GNG12: variants seen among roughly 807,000 people sequenced by gnomAD.
GNG12 encodes G protein subunit gamma 12, also known as guanine nucleotide-binding protein G(I)/G(S)/G(O) subunit gamma-12.
For missense variants in GNG12, 69 were observed against 83.8 expected (o/e 0.82, Z 0.69); for synonymous variants, 28 against 29.7 (o/e 0.94, Z 0.19).
intron 1 of GNG12, among the ~76,000 whole-genome samples, chr1:67,818,414 T>G (rs941849034): frequency 3.7e-4 from 6 of 16,294 alleles, no homozygotes; most frequent in Non-Finnish European, 5.8e-4. Flanking sequence ...AGACCAGGGG[T>G]TTTTTTTTTT....
intron 1 of GNG12, among the ~76,000 whole-genome samples, chr1:67,782,253 A>G (rs1458241579): frequency 5.3e-5 from 8 of 152,206 alleles, no homozygotes; most frequent in Non-Finnish European, 1.5e-5. Flanking sequence ...TCTTTATTAG[A>G]TGTTTGGAGG....
intron 1 of GNG12, among the ~76,000 whole-genome samples, chr1:67,816,253 C>A (rs1646953284): frequency 1.3e-5 from 2 of 152,090 alleles, no homozygotes; most frequent in African/African-American, 4.8e-5. Context: ...TTTGCCCCAC[C>A]CACCCTAATG....
chr1:67,723,247 A>G (rs955078466), intron 2 of GNG12, among the ~76,000 whole-genome samples: 15 of 152,202 alleles, frequency 9.9e-5, no homozygotes, highest in African/African-American at 3.6e-4. Context: ...AGAAAAGTGC[A>G]GAGGATGGCT....
At chr1:67,745,431 C>G (rs893418366) in intron 2 of GNG12, among the ~76,000 whole-genome samples, 7 of 152,208 alleles carry the variant, frequency 4.6e-5, no homozygotes, top group Non-Finnish European at 1.0e-4. Context: ...AGGTGGAAAG[C>G]TGCCCCGGTG....
At chr1:67,787,623 C>T (rs941138383) in intron 1 of GNG12, among the ~76,000 whole-genome samples, 2 of 152,064 alleles carry the variant, frequency 1.3e-5, no homozygotes, top group African/African-American at 4.8e-5. Context: ...AGAGAGAGGG[C>T]AAGAAGATAA....
At chr1:67,748,494 G>T (rs748469647) in intron 2 of GNG12, among the ~76,000 whole-genome samples, 8 of 152,184 alleles carry the variant, frequency 5.3e-5, no homozygotes, top group Non-Finnish European at 1.0e-4. Flanking sequence ...AGCAAGAAGG[G>T]CACAAAAAAC....
At chr1:67,804,845 A>G (rs1207812083) in intron 1 of GNG12, among the ~76,000 whole-genome samples, 1 of 152,066 alleles carries the variant, frequency 6.6e-6, no homozygotes, top group Non-Finnish European at 1.5e-5. Flanking sequence ...GGGGAAGGGG[A>G]AGCATGTTTG....
chr1:67,830,698 A>G (rs1647038448), intron 1 of GNG12, among the ~76,000 whole-genome samples: 1 of 152,374 alleles, frequency 6.6e-6, no homozygotes, highest in East Asian at 1.9e-4. Context: ...TAGCACTAAA[A>G]GCATATTAAA....
At chr1:67,741,285 CA>C (rs1646481463) in intron 2 of GNG12, among the ~76,000 whole-genome samples, 1 of 152,222 alleles carries the variant, frequency 6.6e-6, no homozygotes, top group Admixed American at 6.5e-5. Flanking sequence ...AGTTCCTGGC[CA>C]TTCTGATTGC....
chr1:67,750,448 C>A (rs186803695), intron 2 of GNG12, among the ~76,000 whole-genome samples: 1 of 152,196 alleles, frequency 6.6e-6, no homozygotes, highest in East Asian at 1.9e-4. Context: ...CTCTCTCCAA[C>A]GAGGTGCACG....
At chr1:67,722,789 G>A (rs915155487) in intron 2 of GNG12, among the ~76,000 whole-genome samples, 1 of 152,198 alleles carries the variant, frequency 6.6e-6, no homozygotes, top group African/African-American at 2.4e-5. Flanking sequence ...ACAGAAATGG[G>A]AGACAGTGAA....
intron 1 of GNG12, among the ~76,000 whole-genome samples, chr1:67,793,584 T>C (rs972355497): frequency 6.6e-6 from 1 of 152,154 alleles, no homozygotes; most frequent in Non-Finnish European, 1.5e-5. Context: ...GTTGTGCTTG[T>C]GCAGTTTAAC....
At chr1:67,787,036 AGTGTGTGTGT>A (rs56084524) in intron 1 of GNG12, among the ~76,000 whole-genome samples, 34 of 131,424 alleles carry the variant, frequency 2.6e-4, no homozygotes, top group South Asian at 1.6e-3. Context: ...TATGTGTATA[AGTGTGTGTGT>A]GTGTGTGTGT....
intron 2 of GNG12, among the ~76,000 whole-genome samples, chr1:67,766,542 C>T (rs1458969427): frequency 6.6e-6 from 1 of 151,786 alleles, no homozygotes; most frequent in Non-Finnish European, 1.5e-5. Context: ...TCATTCTCCT[C>T]AAACTTGAGA....
intron 2 of GNG12, among the ~76,000 whole-genome samples, chr1:67,765,692 G>A (rs924604664): frequency 1.2e-4 from 19 of 152,222 alleles, no homozygotes; most frequent in Admixed American, 2.0e-4. Flanking sequence ...CTACTACCTA[G>A]TCAACCTGTG....
At position 67,777,467 on chromosome 1, in the gene GNG12, T is replaced by G; in HGVS notation, c.-36A>C. 1 of 922,526 alleles carries G rather than the reference T, an allele frequency of 1.1e-6. No homozygotes were observed. Among genetic ancestry groups the G allele is most frequent in the Non-Finnish European group, 1.3e-6 (1 of 772,524 alleles). The allele number at this position is 922,526 out of a possible 1,614,324, so 57.1% of individuals were successfully genotyped here. A position where few individuals can be genotyped will look rare whatever the true frequency, so the allele number is the denominator to read the frequency against. ...GAAATGAAGAACTTACCAGTAAGAC[T>G]TTGTGTGGTCCAATGTTTTCAGGTT... On this transcript the variant is annotated 5_prime_UTR_variant, in exon 2 of 4. Coordinates refer to ENST00000370982, the MANE Select transcript of GNG12 (RefSeq NM_018841.6).
At chr1:67,755,120 G>C (rs1009740841) in intron 2 of GNG12, among the ~76,000 whole-genome samples, 3 of 152,254 alleles carry the variant, frequency 2.0e-5, no homozygotes, top group African/African-American at 7.2e-5. Flanking sequence ...GTTGTTACAA[G>C]AGGATGGGAT....
intron 2 of GNG12, among the ~76,000 whole-genome samples, chr1:67,718,924 T>C (rs1189766507): frequency 6.6e-6 from 1 of 152,222 alleles, no homozygotes; most frequent in African/African-American, 2.4e-5. Context: ...CCCATCAATG[T>C]CAATACATTA....
At chr1:67,791,437 T>G (rs1049455252) in intron 1 of GNG12, among the ~76,000 whole-genome samples, 3 of 152,118 alleles carry the variant, frequency 2.0e-5, no homozygotes, top group African/African-American at 7.2e-5. Flanking sequence ...TCCCCTAGGA[T>G]GCTTAGTAAG....
Sources: allele counts gnomAD v4.1 joint callset (sites outside exome capture counted in the v4.1 genomes callset), GRCh38; gene constraint gnomAD v4.1.1; transcripts MANE v1.5; gene names NCBI Gene and HGNC (gene_info 2026-07-23, HGNC 2026-07-21).